Variants in PTPRQ observed in about 807,000 individuals in gnomAD.
The protein encoded by PTPRQ is protein tyrosine phosphatase receptor type Q.
PTPRQ carries 199 observed loss-of-function variants against 246.0 expected under a neutral mutation model. The observed-to-expected ratio is 0.81, with a 90% CI of 0.72 to 0.91. The LOEUF (loss-of-function observed/expected upper bound fraction) is 0.91, where lower values mean the gene tolerates loss of function less well. Ranked by LOEUF, PTPRQ falls within the 40% of genes least tolerant of loss-of-function variation. The pLI, the probability that PTPRQ is intolerant of heterozygous loss-of-function variation, is 0.00. For synonymous variants in PTPRQ, 869 were observed against 853.2 expected (o/e 1.02, Z -0.32); for missense variants, 2,624 against 2,528.4 (o/e 1.04, Z -0.81).
chr12:80,549,567 A>T lies in PTPRQ; in HGVS notation c.4118A>T (p.Tyr1373Phe), dbSNP rs1422106886. 1.9e-6 allele frequency: 3 copies of T among 1,551,258 alleles called. No homozygotes were observed. In the South Asian group the frequency reaches 3.6e-5, roughly 18 times the overall value. ...PKKANGIITQYMVTVERNSTK... is the reference protein window; with the variant it reads ...PKKANGIITQFMVTVERNSTK... ...AAGGCAAATGGAATAATAACGCAGT[A>T]TATGGTAACAGTTGAAAGGAATTCT... Residue 1373 changes from tyrosine (Y) to phenylalanine (F), a missense_variant, in exon 25 of 45, where the codon TAT (tyrosine) becomes TTT (phenylalanine). Physicochemically the swap from Tyr to Phe is conservative, Grantham distance 22. Transcript: ENST00000644991.
At chr12:80,555,715 T>C (rs1435337751) in intron 25 of PTPRQ, among the ~76,000 whole-genome samples, 1 of 152,162 alleles carries the variant, frequency 6.6e-6, no homozygotes, top group African/African-American at 2.4e-5. Context: ...CTAATTGAAA[T>C]TCAGGTGTTT....
intron 26 of PTPRQ, among the ~76,000 whole-genome samples, chr12:80,589,950 C>T (rs983183472): frequency 2.6e-5 from 4 of 152,144 alleles, no homozygotes; most frequent in Non-Finnish European, 5.9e-5. Context: ...GGAGATTTTA[C>T]CTTAATTGCT....
intron 10 of PTPRQ, 118 bp from the exon 11 acceptor site, chr12:80,494,815 G>A (rs1304879821): frequency 5.8e-6 from 6 of 1,031,776 alleles, no homozygotes; most frequent in Non-Finnish European, 8.1e-6. Context: ...AGGTGTGCAT[G>A]GAGAGATTAA....
chr12:80,582,915 C>T (rs1362817384), intron 25 of PTPRQ, among the ~76,000 whole-genome samples: 2 of 152,098 alleles, frequency 1.3e-5, no homozygotes, highest in South Asian at 4.1e-4. Context: ...TATCACTGTG[C>T]TTCAGATAAA....
In PTPRQ at chr12:80,676,601, C is replaced by T. The variant is rs535468154; in HGVS notation, c.6739-2001C>T. On this transcript the variant is annotated intron_variant, in intron 43 of 44. Transcript: ENST00000644991. Reference sequence around the variant, plus strand: ...AGGTTGCAGTGAGCCAAGACTGCGCCATTGCACTCCAACCTGGGCGACAGA... The same window carrying T: ...AGGTTGCAGTGAGCCAAGACTGCGCTATTGCACTCCAACCTGGGCGACAGA... Among the ~76,000 whole-genome samples, 144 of 152,240 alleles carry T rather than the reference C, an allele frequency of 9.5e-4. 2 individuals carry two copies. Among genetic ancestry groups the T allele is most frequent in the African/African-American group, 3.2e-3 (134 of 41,544 alleles).
intron 8 of PTPRQ, among the ~76,000 whole-genome samples, chr12:80,477,545 G>A (rs1893854040): frequency 6.6e-6 from 1 of 152,168 alleles, no homozygotes; most frequent in African/African-American, 2.4e-5. Flanking sequence ...GGCCGAATAG[G>A]AACAGCTCCA....
At chr12:80,458,904 G>A (rs1222271935) in intron 4 of PTPRQ, among the ~76,000 whole-genome samples, 2 of 152,002 alleles carry the variant, frequency 1.3e-5, no homozygotes, top group Non-Finnish European at 2.9e-5. Context: ...GCTTTTTGGT[G>A]AAAATGGTTG....
At chr12:80,484,378 T>G in intron 8 of PTPRQ, 55 bp from the exon 9 acceptor site, 1 of 1,463,248 alleles carries the variant, frequency 6.8e-7, no homozygotes, top group Non-Finnish European at 9.0e-7. Context: ...TTTTTTCACT[T>G]GAAAAAATAT....
chr12:80,506,289 A>G lies in PTPRQ; in HGVS notation c.2455+83A>G, dbSNP rs184106664. 8.5e-3 allele frequency: 11,422 copies of G among 1,337,132 alleles called. 87 individuals carry two copies. The highest frequency in any genetic ancestry group is 8.3e-3 in the Non-Finnish European group (8,334 of 1,006,366). The allele number at this position is 1,337,132 out of a possible 1,614,324, so 82.8% of individuals were successfully genotyped here. On this transcript the variant is annotated intron_variant, in intron 15 of 44. Coordinates refer to ENST00000644991, the MANE Select transcript of PTPRQ (RefSeq NM_001145026.2). The stretch of plus-strand genomic sequence containing the variant: ...ATATTAGTTTAATGTTAATAGTTTC[A>G]GATTATTTTCATGCAGGGTATTACA...
At chr12:80,643,432 C>T (rs1331344716) in intron 35 of PTPRQ, among the ~76,000 whole-genome samples, 1 of 147,480 alleles carries the variant, frequency 6.8e-6, no homozygotes, top group African/African-American at 2.6e-5. Context: ...TCGTGAAATC[C>T]CATCTCAAAA....
intron 25 of PTPRQ, among the ~76,000 whole-genome samples, chr12:80,582,098 C>CA (rs1164972303): frequency 1.3e-5 from 2 of 152,198 alleles, no homozygotes; most frequent in African/African-American, 4.8e-5. Context: ...TTGTACATTA[C>CA]AGCTTGTTTA....
intron 3 of PTPRQ, among the ~76,000 whole-genome samples, chr12:80,457,286 A>G (rs1893009982): frequency 6.6e-6 from 1 of 152,132 alleles, no homozygotes; most frequent in South Asian, 2.1e-4. Flanking sequence ...CTGAGCTTTC[A>G]AAATAAACCC....
At chr12:80,572,402 TAA>T (rs1019108466) in intron 25 of PTPRQ, among the ~76,000 whole-genome samples, 3 of 152,030 alleles carry the variant, frequency 2.0e-5, no homozygotes, top group Non-Finnish European at 4.4e-5. Context: ...TCTGGAATGT[TAA>T]AAAAATTTAA....
intron 26 of PTPRQ, among the ~76,000 whole-genome samples, chr12:80,588,706 G>C (rs1428035357): frequency 6.6e-6 from 1 of 152,276 alleles, no homozygotes; most frequent in East Asian, 1.9e-4. Flanking sequence ...TATTGCAACA[G>C]TGCATTGTGG....
At chr12:80,473,175 T>G (rs1337528412) in intron 8 of PTPRQ, among the ~76,000 whole-genome samples, 10 of 152,178 alleles carry the variant, frequency 6.6e-5, no homozygotes. Flanking sequence ...CATTGATATT[T>G]TTTTGAAAGA....
intron 43 of PTPRQ, among the ~76,000 whole-genome samples, chr12:80,673,957 A>T (rs1483558599): frequency 6.6e-6 from 1 of 152,144 alleles, no homozygotes; most frequent in Non-Finnish European, 1.5e-5. Flanking sequence ...GTATTATCTT[A>T]TTTAATCTTT....
Position 80,678,633 on chromosome 12 carries a change from T to C in PTPRQ, c.6770T>C (p.Leu2257Pro). Reference protein sequence around the residue: ...AQYIFLHQCILDLLSNKGSNQ... With the variant: ...AQYIFLHQCIPDLLSNKGSNQ... ...TATATCTTTTTACACCAGTGCATTCTGGATCTCTTATCAAATAAGGGAAGT... is the reference window on the plus strand; with the variant it reads ...TATATCTTTTTACACCAGTGCATTCCGGATCTCTTATCAAATAAGGGAAGT... Residue 2257 changes from leucine to proline, a missense_variant, in exon 44 of 45, where the codon CTG (leucine) becomes CCG (proline). Transcript: ENST00000644991. 2.6e-6 allele frequency: 4 copies of C among 1,550,510 alleles called. No homozygotes were observed. The East Asian group carries it at 7.3e-5, about 28-fold the overall frequency.
chr12:80,602,018 A>G (rs1329884730), intron 26 of PTPRQ, among the ~76,000 whole-genome samples: 1 of 151,708 alleles, frequency 6.6e-6, no homozygotes, highest in African/African-American at 2.4e-5. Context: ...TAGCTCATCA[A>G]ATCGAATCCT....
chr12:80,566,334 C>A (rs1012851266), intron 25 of PTPRQ, among the ~76,000 whole-genome samples: 1 of 151,828 alleles, frequency 6.6e-6, no homozygotes, highest in African/African-American at 2.4e-5. Flanking sequence ...AAAAGTTAGC[C>A]GGGCATGGTG....
Sources: allele counts gnomAD v4.1 joint callset (sites outside exome capture counted in the v4.1 genomes callset), GRCh38; gene constraint gnomAD v4.1.1; transcripts MANE v1.5; gene names NCBI Gene and HGNC (gene_info 2026-07-23, HGNC 2026-07-21).